PTTG1IP: variants seen among roughly 807,000 people sequenced by gnomAD.
PTTG1IP encodes the protein PTTG1 interacting protein.
A neutral mutation model predicts 24.4 loss-of-function variants in PTTG1IP; 16 were observed. That is an observed-to-expected ratio of 0.66 (90% CI 0.44 to 1.00). The LOEUF (loss-of-function observed/expected upper bound fraction) is 1.00. Ranked by LOEUF, PTTG1IP falls within the 50% of genes least tolerant of loss-of-function variation. The pLI, the probability that PTTG1IP is intolerant of heterozygous loss-of-function variation, is 0.00. For missense variants in PTTG1IP, 241 were observed against 245.8 expected (o/e 0.98, Z 0.13); for synonymous variants, 89 against 96.8 (o/e 0.92, Z 0.47).
At chr21:44,854,940 G>C (rs1023720695) in intron 5 of PTTG1IP, among the ~76,000 whole-genome samples, 4 of 152,216 alleles carry the variant, frequency 2.6e-5, no homozygotes, top group Non-Finnish European at 5.9e-5. Context: ...CAGACTTCCA[G>C]CCCAGAAGTC....
intron 2 of PTTG1IP, among the ~76,000 whole-genome samples, chr21:44,864,046 C>T (rs1228949965): frequency 6.6e-6 from 1 of 152,226 alleles, no homozygotes; most frequent in African/African-American, 2.4e-5. Flanking sequence ...TCGAATACAT[C>T]TTTCCCGGCC....
At chr21:44,855,296 G>C in intron 4 of PTTG1IP, 40 bp from the exon 5 acceptor site, 1 of 1,576,922 alleles carries the variant, frequency 6.3e-7, no homozygotes, top group Non-Finnish European at 8.7e-7. Context: ...AAACGACAGC[G>C]CACGGTGGTG....
intron 2 of PTTG1IP, among the ~76,000 whole-genome samples, chr21:44,862,872 G>A (rs945026903): frequency 1.2e-4 from 18 of 152,128 alleles, no homozygotes; most frequent in Non-Finnish European, 1.6e-4. Context: ...TGCAATTAAC[G>A]ATTTTTGGCT....
chr21:44,864,982 C>T (rs2083523768), intron 2 of PTTG1IP, among the ~76,000 whole-genome samples: 1 of 152,236 alleles, frequency 6.6e-6, no homozygotes, highest in South Asian at 2.1e-4. Flanking sequence ...CCTCTCTCTC[C>T]TTGCTGTGCC....
intron 2 of PTTG1IP, among the ~76,000 whole-genome samples, chr21:44,864,387 CGTTTTT>C (rs201291732): frequency 0.018 from 2,758 of 152,256 alleles, 83 homozygotes; most frequent in African/African-American, 0.061. Context: ...CCTGTTCACA[CGTTTTT>C]GTTTTTGTTT....
chr21:44,861,893 C>A (rs2146462622), intron 2 of PTTG1IP: 2 of 715,474 alleles, frequency 2.8e-6, no homozygotes, highest in Admixed American at 4.0e-5. Context: ...CCATCTGTAG[C>A]AAGGACCATG....
rs1904872808 is a variant in PTTG1IP, at chr21:44,870,666, AT to A, written c.115+2835del. Among the ~76,000 whole-genome samples the A allele has an allele frequency of 2.6e-5, 4 of 152,172 alleles. No homozygotes were observed. The South Asian group carries it at 8.3e-4, about 31-fold the overall frequency. On this transcript the variant is annotated intron_variant, in intron 1 of 5. Coordinates refer to ENST00000330938, the MANE Select transcript of PTTG1IP (RefSeq NM_004339.4). ...AAAAACATGTGCTAGAAAACCAGAG[AT>A]AAAAACTGCCCTTGTGTTGCTTAAG...
chr21:44,854,455 CA>C (rs2083433833), intron 5 of PTTG1IP, among the ~76,000 whole-genome samples: 1 of 112,498 alleles, frequency 8.9e-6, no homozygotes, highest in Non-Finnish European at 2.0e-5. Context: ...CACACAACCA[CA>C]AACCCAGCGC....
In PTTG1IP at chr21:44,861,098, G is replaced by A. The variant is rs569957816; in HGVS notation, c.277+65C>T. ...ATTACAGACGTGAGCCACCGCGCCC[G>A]GCCCATACTACTATTTTCAAAGAAG... On this transcript the variant is annotated intron_variant, in intron 3 of 5. Coordinates refer to ENST00000330938, the MANE Select transcript of PTTG1IP (RefSeq NM_004339.4). 3.1e-4 allele frequency: 451 copies of A among 1,438,596 alleles called. No individual in the cohort carries two copies. In the African/African-American group the frequency reaches 5.4e-3, roughly 17 times the overall value. The allele number at this position is 1,438,596 out of a possible 1,614,324, so 89.1% of individuals were successfully genotyped here.
intron 3 of PTTG1IP, among the ~76,000 whole-genome samples, chr21:44,860,092 G>A (rs780558886): frequency 5.9e-5 from 9 of 152,190 alleles, no homozygotes; most frequent in Non-Finnish European, 1.2e-4. Context: ...TACGGGGCTG[G>A]GCGCAGTGGC....
At chr21:44,867,142 T>C (rs1216349055) in intron 1 of PTTG1IP, among the ~76,000 whole-genome samples, 4 of 152,180 alleles carry the variant, frequency 2.6e-5, no homozygotes, top group Non-Finnish European at 5.9e-5. Context: ...ATAGCAAACA[T>C]GCGGCTCTCG....
In PTTG1IP at chr21:44,873,536, G is replaced by T. The variant is rs957394446; in HGVS notation, c.81C>A (p.Ile27=). Residue 27 remains isoleucine (I), a synonymous_variant, in exon 1 of 6, where the codon ATC becomes ATA. Coordinates refer to ENST00000330938, the MANE Select transcript of PTTG1IP (RefSeq NM_004339.4). ...GAGGCTCCTGCGCGGCGGCCACCGG[G>T]ATGAGCAGCAGGAGCAGCGCGGCGC... ...LGGAALLLLL[I]PVAAAQEPPG... The T allele has an allele frequency of 2.0e-5, 30 of 1,464,528 alleles. No homozygotes were observed. The highest frequency in any genetic ancestry group is 2.6e-5 in the Non-Finnish European group (29 of 1,113,520). 90.7% of individuals were successfully genotyped at this position (1,464,528 alleles called of 1,614,324 possible).
intron 3 of PTTG1IP, among the ~76,000 whole-genome samples, chr21:44,857,846 A>C (rs981680514): frequency 6.6e-6 from 1 of 152,196 alleles, no homozygotes; most frequent in Non-Finnish European, 1.5e-5. Context: ...TCCTCCTCTG[A>C]CCTGTTCTGG....
At chr21:44,872,050 A>T (rs1394499565) in intron 1 of PTTG1IP, among the ~76,000 whole-genome samples, 1 of 152,062 alleles carries the variant, frequency 6.6e-6, no homozygotes, top group Non-Finnish European at 1.5e-5. Flanking sequence ...ACAAAACCTC[A>T]TGGTTGTTTT....
chr21:44,855,815 C>T (rs1042950561), intron 4 of PTTG1IP, among the ~76,000 whole-genome samples: 2 of 152,130 alleles, frequency 1.3e-5, no homozygotes, highest in Non-Finnish European at 2.9e-5. Context: ...AGGGAAAGGG[C>T]GACAGGAGAG....
rs572042535 is a variant in PTTG1IP at position 44,865,453 on chromosome 21, G to A, written c.116-6C>T. The A allele has an allele frequency of 2.0e-5, 33 of 1,614,116 alleles. 1 individual carries two copies. The Middle Eastern group carries it at 4.9e-4, about 24-fold the overall frequency. On this transcript the variant is annotated splice_polypyrimidine_tract_variant and splice_region_variant and intron_variant, in intron 1 of 5. Transcript: ENST00000330938. ...GTTTGTGTTCTGAGAACAAGCTGCAGGAAAGAGGCAAGAGACAAGTCAGTC... is the reference window on the plus strand; with the variant it reads ...GTTTGTGTTCTGAGAACAAGCTGCAAGAAAGAGGCAAGAGACAAGTCAGTC...
intron 1 of PTTG1IP, among the ~76,000 whole-genome samples, chr21:44,870,862 T>C (rs2083579429): frequency 6.6e-6 from 1 of 152,216 alleles, no homozygotes; most frequent in African/African-American, 2.4e-5. Flanking sequence ...ACACCAACCC[T>C]CCATGACCCA....
chr21:44,853,773 G>A (rs2083428477), intron 5 of PTTG1IP, among the ~76,000 whole-genome samples: 4 of 152,200 alleles, frequency 2.6e-5, no homozygotes, highest in African/African-American at 9.6e-5. Context: ...CAGCAGTGAA[G>A]AGAACCCAGA....
chr21:44,866,875 T>C (rs1235592082), intron 1 of PTTG1IP, among the ~76,000 whole-genome samples: 1 of 152,130 alleles, frequency 6.6e-6, no homozygotes, highest in African/African-American at 2.4e-5. Flanking sequence ...TCTCACACAG[T>C]GTTGGTGGAA....
Sources: gnomAD v4.1 joint callset for allele counts (sites outside exome capture counted in the v4.1 genomes callset) on GRCh38, gnomAD v4.1.1 for gene constraint, MANE v1.5 for transcripts, NCBI Gene and HGNC (gene_info 2026-07-23, HGNC 2026-07-21) for gene names.